The following ROBO2 variants were observed in gnomAD, a reference collection of about 807,000 sequenced individuals.
The protein encoded by ROBO2 is roundabout guidance receptor 2, also known as roundabout homolog 2.
Under a neutral mutation model 160.8 loss-of-function variants are expected in ROBO2, and 53 were observed. The ratio of observed to expected loss-of-function variants is 0.33; its 90% confidence interval spans 0.26 to 0.41. ROBO2 has a LOEUF of 0.41. Ranked by LOEUF, ROBO2 falls within the 10% of genes least tolerant of loss-of-function variation. The probability of loss-of-function intolerance (pLI) is 1.00; values close to 1 mark genes in which losing one functional copy is unlikely to be tolerated. For missense variants in ROBO2, 1,577 were observed against 1,722.4 expected (o/e 0.92, Z 1.49); for synonymous variants, 664 against 611.7 (o/e 1.09, Z -1.26).
chr3:76,482,016 A>G (rs115843248), intron 2 of ROBO2, among the ~76,000 whole-genome samples: 414 of 152,232 alleles, frequency 2.7e-3, no homozygotes, highest in African/African-American at 9.4e-3. Context: ...TCAATAAGTC[A>G]GAATCCCCAA....
chr3:75,951,051 C>G (rs1394451206), intron 2 of ROBO2, among the ~76,000 whole-genome samples: 2 of 151,900 alleles, frequency 1.3e-5, no homozygotes, highest in Admixed American at 6.6e-5. Flanking sequence ...GTTTTTGTTA[C>G]CAAAAGCCAT....
chr3:77,524,211 T>C (rs1204236855), intron 6 of ROBO2, among the ~76,000 whole-genome samples: 2 of 151,226 alleles, frequency 1.3e-5, no homozygotes, highest in Admixed American at 1.3e-4. Flanking sequence ...AATTGACAGC[T>C]AGTTGCATAA....
At chr3:76,085,793 C>T (rs1249799160) in intron 2 of ROBO2, among the ~76,000 whole-genome samples, 1 of 152,142 alleles carries the variant, frequency 6.6e-6, no homozygotes, top group African/African-American at 2.4e-5. Flanking sequence ...GTGGACAACT[C>T]TGAGAATTAA....
chr3:76,528,288 T>C (rs2082048058), intron 2 of ROBO2, among the ~76,000 whole-genome samples: 1 of 152,034 alleles, frequency 6.6e-6, no homozygotes, highest in Non-Finnish European at 1.5e-5. Context: ...CAGCGTGAGA[T>C]GTACAGACAG....
At chr3:77,209,860 T>A (rs998504945) in intron 2 of ROBO2, among the ~76,000 whole-genome samples, 5 of 152,134 alleles carry the variant, frequency 3.3e-5, no homozygotes, top group African/African-American at 7.2e-5. Context: ...ACTTACTTAT[T>A]GTGTCCAGAG....
intron 2 of ROBO2, among the ~76,000 whole-genome samples, chr3:76,356,948 TTG>T (rs1433179541): frequency 6.6e-6 from 1 of 151,904 alleles, no homozygotes; most frequent in African/African-American, 2.4e-5. Context: ...CATGGCTTCC[TTG>T]TTATATTTTT....
At chr3:77,475,081 G>GAGAGAA (rs1452268399) in intron 2 of ROBO2, among the ~76,000 whole-genome samples, 2 of 151,696 alleles carry the variant, frequency 1.3e-5, no homozygotes, top group Admixed American at 6.6e-5. Context: ...GAGAGAGAGA[G>GAGAGAA]AGAAGAAACA....
At chr3:77,124,211 A>C (rs2075096144) in intron 2 of ROBO2, among the ~76,000 whole-genome samples, 1 of 152,186 alleles carries the variant, frequency 6.6e-6, no homozygotes, top group Admixed American at 6.6e-5. Flanking sequence ...GAGCCGAATG[A>C]AAGATATGAG....
intron 2 of ROBO2, among the ~76,000 whole-genome samples, chr3:77,350,861 T>C (rs991789787): frequency 1.3e-5 from 2 of 152,158 alleles, no homozygotes; most frequent in African/African-American, 4.8e-5. Flanking sequence ...TTTGGTTGTC[T>C]CTCAACAGAA....
intron 2 of ROBO2, among the ~76,000 whole-genome samples, chr3:77,255,767 T>G (rs2058366237): frequency 6.6e-6 from 1 of 152,218 alleles, no homozygotes; most frequent in South Asian, 2.1e-4. Context: ...AAGAGGATCC[T>G]AAATATCCAA....
intron 2 of ROBO2, among the ~76,000 whole-genome samples, chr3:76,594,978 C>T (rs1350019937): frequency 6.6e-6 from 1 of 151,882 alleles, no homozygotes; most frequent in Admixed American, 6.6e-5. Flanking sequence ...GGAGGTGGAA[C>T]CTTGGGAGGT....
intron 2 of ROBO2, among the ~76,000 whole-genome samples, chr3:76,561,313 C>T (rs903899970): frequency 6.6e-6 from 1 of 152,072 alleles, no homozygotes; most frequent in African/African-American, 2.4e-5. Context: ...GTCAAACTTA[C>T]TCAGCTTGCC....
At chr3:76,792,328 A>G (rs1198581359) in intron 2 of ROBO2, among the ~76,000 whole-genome samples, 1 of 151,834 alleles carries the variant, frequency 6.6e-6, no homozygotes. Context: ...GCTATATTGA[A>G]TGTTTCTATT....
At chr3:77,307,646 G>T (rs2063203361) in intron 2 of ROBO2, among the ~76,000 whole-genome samples, 1 of 152,210 alleles carries the variant, frequency 6.6e-6, no homozygotes, top group Non-Finnish European at 1.5e-5. Context: ...ACTTTGGGAG[G>T]CTGAGGCTGG....
At chr3:76,607,616 C>A (rs1473771597) in intron 2 of ROBO2, among the ~76,000 whole-genome samples, 2 of 152,150 alleles carry the variant, frequency 1.3e-5, no homozygotes, top group Non-Finnish European at 2.9e-5. Context: ...CCCTCTGATT[C>A]ACACTTTGCA....
chr3:76,477,454 G>C (rs982864061), intron 2 of ROBO2, among the ~76,000 whole-genome samples: 3 of 152,022 alleles, frequency 2.0e-5, no homozygotes, highest in Admixed American at 6.6e-5. Context: ...TATAGAAATA[G>C]CAAACAAGTT....
chr3:77,270,482 T>C lies in ROBO2; in HGVS notation c.388+172142T>C, dbSNP rs139333954. Among the ~76,000 whole-genome samples the C allele has an allele frequency of 1.3e-3, 205 of 152,316 alleles. 1 individual carries two copies. Among genetic ancestry groups the C allele is most frequent in the African/African-American group, 4.8e-3 (200 of 41,572 alleles). On this transcript the variant is annotated intron_variant, in intron 2 of 25. Transcript: ENST00000461745. Reference sequence around the variant, plus strand: ...ATTGAACTCAGTGGTTCAAACTGTTTGTGTAACCCAAAAACCCTTAATCAT... The same window carrying C: ...ATTGAACTCAGTGGTTCAAACTGTTCGTGTAACCCAAAAACCCTTAATCAT...
chr3:77,290,020 A>T (rs1225906471), intron 2 of ROBO2, among the ~76,000 whole-genome samples: 2 of 151,716 alleles, frequency 1.3e-5, no homozygotes, highest in Non-Finnish European at 3.0e-5. Flanking sequence ...CTAAAGACAT[A>T]AAGTAAAATT....
chr3:76,959,602 A>G (rs1183363745), intron 2 of ROBO2, among the ~76,000 whole-genome samples: 2 of 152,128 alleles, frequency 1.3e-5, no homozygotes, highest in Non-Finnish European at 2.9e-5. Context: ...ATTTTCAAGG[A>G]TGCTAAGTCT....
Sources: gnomAD v4.1 joint callset for allele counts (sites outside exome capture counted in the v4.1 genomes callset) on GRCh38, gnomAD v4.1.1 for gene constraint, MANE v1.5 for transcripts, NCBI Gene and HGNC (gene_info 2026-07-23, HGNC 2026-07-21) for gene names.